Variants in ARSF observed in about 807,000 individuals in gnomAD.
The protein encoded by ARSF is arylsulfatase F.
Under a neutral mutation model 35.4 loss-of-function variants are expected in ARSF, and 33 were observed. The observed-to-expected ratio is 0.93, with a 90% CI of 0.71 to 1.25. The LOEUF is 1.25. Ranked by LOEUF, ARSF falls within the 50% of genes most tolerant of loss-of-function variation. The probability of loss-of-function intolerance (pLI) is 0.00; values close to 1 mark genes in which losing one functional copy is unlikely to be tolerated. For missense variants in ARSF, 501 were observed against 480.2 expected, an observed-to-expected ratio of 1.04 and a Z score of -0.40; for synonymous variants, 222 against 193.1, an observed-to-expected ratio of 1.15 and a Z score of -1.24.
intron 1 of ARSF, among the ~76,000 whole-genome samples, chrX:3,065,825 G>A (rs113922366): frequency 0.072 from 8,001 of 110,664 alleles, 396 homozygotes; most frequent in African/African-American, 0.18. Context: ...CAGGCTGGGC[G>A]CAGTGACTCT....
At chrX:3,047,962 G>A (rs1002162510) in intron 1 of ARSF, among the ~76,000 whole-genome samples, 1 of 110,984 alleles carries the variant, frequency 9.0e-6, no homozygotes, top group African/African-American at 3.3e-5. Flanking sequence ...CATCTTACAT[G>A]GATGGTGGCA....
intron 1 of ARSF, among the ~76,000 whole-genome samples, chrX:3,046,660 A>G (rs1393622321): frequency 8.9e-6 from 1 of 111,798 alleles, no homozygotes; most frequent in Non-Finnish European, 1.9e-5. Flanking sequence ...ATGAAAGTAA[A>G]AGAGTGCTGC....
At chrX:3,041,000 C>T (rs762029572), upstream of ARSF, among the ~76,000 whole-genome samples, 33 of 111,285 alleles carry the variant, frequency 3.0e-4, no homozygotes, top group East Asian at 2.9e-3. Flanking sequence ...TGAGGAAAGG[C>T]GGAGAGAGCG....
At chrX:3,047,304 G>A (rs1482513728) in intron 1 of ARSF, among the ~76,000 whole-genome samples, 3 of 109,831 alleles carry the variant, frequency 2.7e-5, no homozygotes, top group Non-Finnish European at 3.8e-5. Context: ...TCAGCCTCCT[G>A]AGAAGCTGGG....
chrX:3,105,749 A>G, intron 9 of ARSF, among the ~76,000 whole-genome samples: 1 of 112,198 alleles, frequency 8.9e-6, no homozygotes, highest in Non-Finnish European at 1.9e-5. Flanking sequence ...TACAGGTGTG[A>G]GCCATCATGA....
At chrX:3,092,908 C>T (rs953247983) in intron 7 of ARSF, among the ~76,000 whole-genome samples, 2 of 112,222 alleles carry the variant, frequency 1.8e-5, no homozygotes, top group Non-Finnish European at 3.8e-5. Flanking sequence ...CGCGGTGGCT[C>T]ACGCCTGTAA....
At position 3,071,090 on chromosome X, in the gene ARSF, C is replaced by T. The variant is rs536011211; in HGVS notation, c.12-936C>T. 2.7e-5 allele frequency among the ~76,000 whole-genome samples: 3 copies of T among 110,688 alleles called. No homozygotes were observed. The South Asian group carries it at 1.2e-3, about 43-fold the overall frequency. On this transcript the variant is annotated intron_variant, in intron 2 of 10. Transcript: ENST00000381127. ...GATATCAAGAGTGTCTCGCTCCAAG[C>T]ACCAAGCACTGCTGCTGAATGGCAG...
intron 3 of ARSF, among the ~76,000 whole-genome samples, chrX:3,075,904 T>G (rs2147501028): frequency 1.4e-5 from 1 of 73,072 alleles, no homozygotes; most frequent in African/African-American, 5.1e-5. Context: ...TCTCTCTGTA[T>G]CTCTCTCTGT....
chrX:3,058,689 CA>C (rs1302396838), intron 1 of ARSF: 9 of 293,847 alleles, frequency 3.1e-5, no homozygotes, highest in African/African-American at 8.4e-5. Flanking sequence ...CTTGTCTCTA[CA>C]AAAAAATAGA....
chrX:3,084,045 C>T (rs1472066904), intron 5 of ARSF, among the ~76,000 whole-genome samples, 198 bp from the exon 6 acceptor site: 1 of 111,929 alleles, frequency 8.9e-6, no homozygotes, highest in African/African-American at 3.2e-5. Flanking sequence ...ATACAAACTT[C>T]CTCTGTAAAC....
At chrX:3,107,853 CTT>C (rs1350750003) in intron 9 of ARSF, among the ~76,000 whole-genome samples, 7 of 110,789 alleles carry the variant, frequency 6.3e-5, no homozygotes, top group Non-Finnish European at 1.1e-4. Flanking sequence ...TCTTTTATAA[CTT>C]GTGATTTTTG....
chrX:3,042,484 C>T (rs1159930592), intron 1 of ARSF, among the ~76,000 whole-genome samples: 1 of 111,314 alleles, frequency 9.0e-6, no homozygotes, highest in Admixed American at 9.6e-5. Flanking sequence ...TTATTTTCAT[C>T]TAATTCCATG....
At chrX:3,059,833 C>T (rs1357318203) in intron 1 of ARSF, among the ~76,000 whole-genome samples, 1 of 112,859 alleles carries the variant, frequency 8.9e-6, no homozygotes, top group Non-Finnish European at 1.9e-5. Context: ...GGCCTACTGC[C>T]TCTGTAGATT....
At chrX:3,054,728 A>T (rs1280435594) in intron 1 of ARSF, among the ~76,000 whole-genome samples, 2 of 109,292 alleles carry the variant, frequency 1.8e-5, no homozygotes, top group East Asian at 5.9e-4. Context: ...TGGATGCATG[A>T]AACTGCTCTC....
chrX:3,067,833 T>G, intron 1 of ARSF, among the ~76,000 whole-genome samples: 1 of 102,746 alleles, frequency 9.7e-6, no homozygotes, highest in African/African-American at 3.7e-5. Flanking sequence ...CACTCCAGCC[T>G]GGGTGACAGC....
intron 6 of ARSF, among the ~76,000 whole-genome samples, chrX:3,088,805 C>T (rs2090267318): frequency 9.0e-6 from 1 of 111,410 alleles, no homozygotes; most frequent in Admixed American, 9.6e-5. Flanking sequence ...AGGTGATCCG[C>T]CATCTTCAGC....
chrX:3,065,824 C>T (rs1177413469), intron 1 of ARSF, among the ~76,000 whole-genome samples: 1 of 110,942 alleles, frequency 9.0e-6, no homozygotes, highest in Non-Finnish European at 1.9e-5. Context: ...CCAGGCTGGG[C>T]GCAGTGACTC....
chrX:3,104,014 C>A (rs1221533902), intron 9 of ARSF, 90 bp downstream of exon 9: 5 of 981,180 alleles, frequency 5.1e-6, no homozygotes, highest in Admixed American at 2.7e-5. Flanking sequence ...TCTATCCTGG[C>A]AGACCCACTT....
intron 9 of ARSF, among the ~76,000 whole-genome samples, chrX:3,106,952 C>T (rs1340837471): frequency 8.9e-6 from 1 of 111,952 alleles, no homozygotes; most frequent in Admixed American, 9.5e-5. Context: ...ATGCTCCCGT[C>T]CCTGATGTAA....
Sources: gnomAD v4.1 joint callset for allele counts (sites outside exome capture counted in the v4.1 genomes callset) on GRCh38, gnomAD v4.1.1 for gene constraint, MANE v1.5 for transcripts, NCBI Gene and HGNC (gene_info 2026-07-23, HGNC 2026-07-21) for gene names.